Variants in SDC3 observed in about 807,000 individuals in gnomAD.
SDC3 encodes syndecan 3.
Under a neutral mutation model 24.4 loss-of-function variants are expected in SDC3, and 13 were observed. That is an observed-to-expected ratio of 0.53 (90% CI 0.35 to 0.85). The LOEUF is 0.85. Ranked by LOEUF, SDC3 falls within the 40% of genes least tolerant of loss-of-function variation. The pLI, the probability that SDC3 is intolerant of heterozygous loss-of-function variation, is 0.01. For missense variants in SDC3, 571 were observed against 584.5 expected, an observed-to-expected ratio of 0.98 and a Z score of 0.24; for synonymous variants, 295 against 260.9, an observed-to-expected ratio of 1.13 and a Z score of -1.26.
chr1:30,888,893 G>T (rs1639868388), intron 1 of SDC3, among the ~76,000 whole-genome samples: 1 of 152,148 alleles, frequency 6.6e-6, no homozygotes, highest in Non-Finnish European at 1.5e-5. Flanking sequence ...CAGACAAAAA[G>T]GCTGGAAGAA....
At position 30,876,770 on chromosome 1, in the gene SDC3, T is replaced by A. The variant is rs768891722; in HGVS notation, c.652A>T (p.Thr218Ser). 10 of 1,589,306 alleles carry A rather than the reference T, an allele frequency of 6.3e-6. No individual in the cohort carries two copies. The highest frequency in any genetic ancestry group is 7.7e-6 in the Non-Finnish European group (9 of 1,166,492). ...VRRLLPLPLT[T>S]VATARATTPE... Reference sequence around the variant, plus strand: ...GTAGTGGCCCGTGCCGTAGCCACTGTGGTCAGTGGGAGAGGCAGAAGCCTC... The same window carrying A: ...GTAGTGGCCCGTGCCGTAGCCACTGAGGTCAGTGGGAGAGGCAGAAGCCTC... Residue 218 changes from threonine to serine, a missense_variant, in exon 3 of 5, where the codon ACA becomes TCA. By Grantham distance (58) the Thr-to-Ser change is moderately conservative. Transcript: ENST00000339394.
chr1:30,908,868 C>G (rs1355046033), upstream of SDC3: 1 of 336 alleles, frequency 3.0e-3, no homozygotes, highest in African/African-American at 0.083. Context: ...AGTGCGCCCC[C>G]CGCGGGGCTC....
chr1:30,877,597 G>T (rs939042393), intron 2 of SDC3: 2 of 291,818 alleles, frequency 6.9e-6, no homozygotes, highest in African/African-American at 4.2e-5. Context: ...TACACTAAGG[G>T]CTTCCCCCAG....
At chr1:30,907,026 G>A (rs1638530911) in intron 1 of SDC3, among the ~76,000 whole-genome samples, 1 of 152,172 alleles carries the variant, frequency 6.6e-6, no homozygotes, top group African/African-American at 2.4e-5. Context: ...GGAGGGGCCT[G>A]TCCATCCAAG....
intron 1 of SDC3, among the ~76,000 whole-genome samples, chr1:30,902,483 C>T (rs1638436096): frequency 6.6e-6 from 1 of 152,190 alleles, no homozygotes; most frequent in Non-Finnish European, 1.5e-5. Context: ...CAAATATTTA[C>T]CAAGAGCCAG....
chr1:30,904,475 A>AT lies in SDC3; in HGVS notation c.138+3973dup, dbSNP rs759151896. 3.9e-4 allele frequency among the ~76,000 whole-genome samples: 59 copies of AT among 151,582 alleles called. 1 individual carries two copies. Among genetic ancestry groups the AT allele is most frequent in the Non-Finnish European group, 6.8e-4 (46 of 67,852 alleles). ...AGGAGCCACTGGGTTTCAAAAGGCC[A>AT]TTTTTTTTGTTTTTTGTTTGTTGTT... On this transcript the variant is annotated intron_variant, in intron 1 of 4. Coordinates refer to ENST00000339394, the MANE Select transcript of SDC3 (RefSeq NM_014654.4).
chr1:30,873,151 C>T lies in SDC3; in HGVS notation c.*60G>A. 2 of 1,312,326 alleles carry T rather than the reference C, an allele frequency of 1.5e-6. No homozygotes were observed. The highest frequency in any genetic ancestry group is 2.9e-5 in the African/African-American group (2 of 69,200). 81.3% of individuals were successfully genotyped at this position (1,312,326 alleles called of 1,614,324 possible). A position where few individuals can be genotyped will look rare whatever the true frequency, so the allele number is the denominator to read the frequency against. On this transcript the variant is annotated 3_prime_UTR_variant, in exon 5 of 5. Coordinates refer to ENST00000339394, the MANE Select transcript of SDC3 (RefSeq NM_014654.4). ...CAGTCCCAGGCTTGGGCTGGTGGGG[C>T]CAGGCTGGGGACTGGACAGCAGGGT...
chr1:30,874,284 C>T lies in SDC3; in HGVS notation c.1162+13G>A, dbSNP rs372270874. On this transcript the variant is annotated intron_variant, in intron 4 of 4. Transcript: ENST00000339394. ...CCTCCCAGGCTCCCCTTGGCCCAGA[C>T]CCCAAGCCTCACCTACGAGCACCTC... The T allele has an allele frequency of 8.8e-6, 14 of 1,595,018 alleles. No individual in the cohort carries two copies. Among genetic ancestry groups the T allele is most frequent in the Middle Eastern group, 1.8e-4 (1 of 5,688 alleles).
Position 30,874,525 on chromosome 1 carries a change from C to G in SDC3, c.934G>C (p.Gly312Arg). The change falls in exon 4 of 5, where the codon GGG becomes CGG. Residue 312 changes from glycine to arginine, a missense_variant. Physicochemically the swap from Gly to Arg is moderately radical, Grantham distance 125. Coordinates refer to ENST00000339394, the MANE Select transcript of SDC3 (RefSeq NM_014654.4). Reference protein sequence around the residue: ...RDEPEVPVSGGPSGDFELPEE... With the variant: ...RDEPEVPVSGRPSGDFELPEE... Reference sequence around the variant, plus strand: ...GGCAGCTCGAAGTCTCCACTGGGCCCCCCACTCACCGGAACCTCTGGCTCA... The same window carrying G: ...GGCAGCTCGAAGTCTCCACTGGGCCGCCCACTCACCGGAACCTCTGGCTCA... 1 of 1,614,138 alleles carries G rather than the reference C, an allele frequency of 6.2e-7. No individual in the cohort carries two copies. The highest frequency in any genetic ancestry group is 1.1e-5 in the South Asian group (1 of 91,086).
intron 1 of SDC3, chr1:30,880,866 A>C (rs1639733086): frequency 6.6e-6 from 1 of 152,028 alleles, no homozygotes; most frequent in African/African-American, 2.4e-5. Flanking sequence ...CATCATAATA[A>C]GCATAATTAT....
intron 1 of SDC3, among the ~76,000 whole-genome samples, chr1:30,885,971 C>T (rs1405755226): frequency 6.6e-6 from 1 of 152,178 alleles, no homozygotes; most frequent in African/African-American, 2.4e-5. Context: ...ATCCCAGCCA[C>T]CTGCCCTCTC....
At chr1:30,902,774 C>A (rs1357012815) in intron 1 of SDC3, among the ~76,000 whole-genome samples, 1 of 152,186 alleles carries the variant, frequency 6.6e-6, no homozygotes, top group African/African-American at 2.4e-5. Flanking sequence ...ACTGAAGGCC[C>A]GCCCGATGCA....
rs1484040114 is a variant in SDC3 at position 30,878,734 on chromosome 1, G to A, written c.145C>T (p.Arg49Cys). 2 of 1,614,024 alleles carry A rather than the reference G, an allele frequency of 1.2e-6. No individual in the cohort carries two copies. The highest frequency in any genetic ancestry group is 8.5e-7 in the Non-Finnish European group (1 of 1,179,840). ...CTCTCGAAGTTCTCACTGCGCCAGC[G>A]CTGGGCCTAGGGAAGGTAGAGGTGG... ...LLAGRAAGAQ[R>C]WRSENFERPV... Residue 49 changes from arginine to cysteine, a missense_variant, in exon 2 of 5, where the codon CGC becomes TGC. Arg to Cys is a radical substitution (Grantham distance 180, BLOSUM62 -3). Coordinates refer to ENST00000339394, the MANE Select transcript of SDC3 (RefSeq NM_014654.4).
chr1:30,884,821 C>T (rs76933807), intron 1 of SDC3, among the ~76,000 whole-genome samples: 10,843 of 152,064 alleles, frequency 0.071, 490 homozygotes, highest in Non-Finnish European at 0.096. Context: ...ATGTAATTTA[C>T]GAGAGGGAAA....
At chr1:30,884,261 C>A (rs757853958) in intron 1 of SDC3, among the ~76,000 whole-genome samples, 1 of 151,086 alleles carries the variant, frequency 6.6e-6, no homozygotes, top group Admixed American at 6.6e-5. Flanking sequence ...GAAGGCCAAG[C>A]TGAAACACCA....
Position 30,873,276 on chromosome 1 carries a change from C to T in SDC3, c.1264G>A (p.Glu422Lys), listed in dbSNP as rs775969974. ...GTGACGCTCGCCTGCTTGGGTTCCT[C>T]CAGCGTGTAGCTGCCCTCATCCTTT... ...KKKDEGSYTL[E>K]EPKQASVTYQ... Residue 422 changes from glutamate to lysine, a missense_variant, in exon 5 of 5, where the codon GAG becomes AAG. By Grantham distance (56) the Glu-to-Lys change is moderately conservative. Coordinates refer to ENST00000339394, the MANE Select transcript of SDC3 (RefSeq NM_014654.4). The T allele has an allele frequency of 9.3e-6, 15 of 1,613,516 alleles. No homozygotes were observed. Among genetic ancestry groups the T allele is most frequent in the Non-Finnish European group, 1.2e-5 (14 of 1,179,438 alleles).
At chr1:30,885,081 A>G (rs1417497598) in intron 1 of SDC3, among the ~76,000 whole-genome samples, 1 of 152,216 alleles carries the variant, frequency 6.6e-6, no homozygotes, top group African/African-American at 2.4e-5. Flanking sequence ...GTTGATAGGA[A>G]TATGCAGATG....
intron 1 of SDC3, among the ~76,000 whole-genome samples, chr1:30,894,521 TGA>T (rs1411222081): frequency 3.6e-5 from 4 of 109,686 alleles, no homozygotes; most frequent in East Asian, 5.6e-4. Context: ...GGTGAGAGTG[TGA>T]GTGGGTGAGA....
At chr1:30,908,821 G>C (rs1245122915), upstream of SDC3, 1 of 119,086 alleles carries the variant, frequency 8.4e-6, no homozygotes, top group Non-Finnish European at 1.8e-5. Context: ...CCCAGCGCGG[G>C]CGGAACGGAG....
Sources: allele counts gnomAD v4.1 joint callset (sites outside exome capture counted in the v4.1 genomes callset), GRCh38; gene constraint gnomAD v4.1.1; transcripts MANE v1.5; gene names NCBI Gene and HGNC (gene_info 2026-07-23, HGNC 2026-07-21).